The following TCF4 variants were observed in gnomAD, a reference collection of about 807,000 sequenced individuals.
TCF4 encodes the protein SL3-3 enhancer factor 2.
TCF4 carries 3 observed loss-of-function variants against 82.1 expected under a neutral mutation model. That is an observed-to-expected ratio of 0.04 (90% CI 0.02 to 0.09). The LOEUF is 0.09. Ranked by LOEUF, TCF4 falls within the 10% of genes least tolerant of loss-of-function variation. The pLI is 1.00. For synonymous variants in TCF4, 276 were observed against 309.6 expected (o/e 0.89, Z 1.14); for missense variants, 518 against 852.7 (o/e 0.61, Z 4.89).
At chr18:55,628,263 A>C (rs2097728489) in intron 2 of TCF4, among the ~76,000 whole-genome samples, 1 of 152,292 alleles carries the variant, frequency 6.6e-6, no homozygotes, top group African/African-American at 2.4e-5. Context: ...AGGAAGGCTG[A>C]ACTCTCATGT....
chr18:55,238,921 A>C (rs71368998), intron 15 of TCF4, among the ~76,000 whole-genome samples: 1 of 152,174 alleles, frequency 6.6e-6, no homozygotes, highest in African/African-American at 2.4e-5. Flanking sequence ...GGGCCACCTT[A>C]ATGACAGGCA....
chr18:55,228,149 T>C, intron 19 of TCF4, 72 bp downstream of exon 19: 2 of 1,592,586 alleles, frequency 1.3e-6, no homozygotes, highest in Non-Finnish European at 1.7e-6. Flanking sequence ...TGGGTGAAAT[T>C]CACTTTTATG....
At chr18:55,598,708 T>C (rs983549783) in intron 2 of TCF4, among the ~76,000 whole-genome samples, 1 of 152,190 alleles carries the variant, frequency 6.6e-6, no homozygotes, top group African/African-American at 2.4e-5. Context: ...GTGTATAGAT[T>C]AGCAGAAAAG....
intron 6 of TCF4, among the ~76,000 whole-genome samples, chr18:55,352,418 A>G (rs2082503781): frequency 6.6e-6 from 1 of 152,140 alleles, no homozygotes; most frequent in South Asian, 2.1e-4. Flanking sequence ...TATATAAAGG[A>G]CTAATCAGCT....
intron 6 of TCF4, among the ~76,000 whole-genome samples, chr18:55,355,417 G>A (rs1011344126): frequency 2.7e-4 from 41 of 152,206 alleles, no homozygotes; most frequent in African/African-American, 8.7e-4. Flanking sequence ...AATCCCTGTC[G>A]AATAGTTGCT....
chr18:55,585,633 C>T (rs1476955260), intron 2 of TCF4: 1 of 579,414 alleles, frequency 1.7e-6, no homozygotes, highest in Non-Finnish European at 2.6e-6. Context: ...ATAATGTTAT[C>T]AAGATTCAGG....
intron 3 of TCF4, among the ~76,000 whole-genome samples, chr18:55,548,613 G>A (rs1197978753): frequency 6.6e-6 from 1 of 152,100 alleles, no homozygotes; most frequent in East Asian, 1.9e-4. Flanking sequence ...TTTCGTCATT[G>A]TGAGAACATT....
intron 8 of TCF4, among the ~76,000 whole-genome samples, chr18:55,313,831 T>C (rs977007147): frequency 2.6e-5 from 4 of 152,134 alleles, no homozygotes; most frequent in Non-Finnish European, 5.9e-5. Context: ...TTTTTCAAAA[T>C]GTTTTCAAGG....
chr18:55,629,696 G>A (rs12457157), intron 2 of TCF4, among the ~76,000 whole-genome samples: 64,005 of 152,052 alleles, frequency 0.42, 16,039 homozygotes, highest in Admixed American at 0.61. Context: ...AAACTACAAA[G>A]CTGTTCTTCG....
intron 8 of TCF4, among the ~76,000 whole-genome samples, chr18:55,319,561 T>G (rs1055084146): frequency 2.6e-5 from 4 of 152,126 alleles, no homozygotes; most frequent in Non-Finnish European, 2.9e-5. Flanking sequence ...CTCTTTCTAG[T>G]GTTTGAATCA....
chr18:55,586,992 TTTTTG>T, intron 2 of TCF4, 48 bp downstream of exon 2: 4 of 1,528,544 alleles, frequency 2.6e-6, no homozygotes, highest in Non-Finnish European at 2.7e-6. Context: ...AGTGTTTGGG[TTTTTG>T]TTTTGTTTTT....
chr18:55,508,584 T>A lies in TCF4; in HGVS notation c.146-44447A>T, dbSNP rs908866143. 4.6e-5 allele frequency among the ~76,000 whole-genome samples: 7 copies of A among 152,200 alleles called. No individual in the cohort carries two copies. In the South Asian group the frequency reaches 1.5e-3, roughly 32 times the overall value. ...TAGCCCAATGAAGCAGGGACTTGTA[T>A]TATCCTCATTTTACAGAGAAATTAA... is the stretch of plus-strand genomic sequence containing the variant. On this transcript the variant is annotated intron_variant, in intron 3 of 19. Coordinates refer to ENST00000354452, the MANE Select transcript of TCF4 (RefSeq NM_001083962.2).
At chr18:55,541,790 C>G (rs745737275) in intron 3 of TCF4, among the ~76,000 whole-genome samples, 3 of 151,928 alleles carry the variant, frequency 2.0e-5, no homozygotes, top group Admixed American at 1.3e-4. Flanking sequence ...CTCATCCCTT[C>G]TGTACTTATT....
chr18:55,258,435 C>T (rs1197588361), intron 13 of TCF4, among the ~76,000 whole-genome samples: 1 of 152,098 alleles, frequency 6.6e-6, no homozygotes, highest in Non-Finnish European at 1.5e-5. Context: ...GTGATGTTTT[C>T]TAGAATGACT....
chr18:55,338,734 T>C (rs1435814488), intron 8 of TCF4, among the ~76,000 whole-genome samples: 9 of 152,188 alleles, frequency 5.9e-5, no homozygotes, highest in Admixed American at 5.2e-4. Context: ...ATTTGCTAAA[T>C]GTACGGAATC....
chr18:55,570,232 G>C lies in TCF4; in HGVS notation c.145+15048C>G, dbSNP rs115263307. Among the ~76,000 whole-genome samples, 248 of 152,226 alleles carry C rather than the reference G, an allele frequency of 1.6e-3. 1 individual carries two copies. The highest frequency in any genetic ancestry group is 5.7e-3 in the African/African-American group (236 of 41,540). On this transcript the variant is annotated intron_variant, in intron 3 of 19. Transcript: ENST00000354452. ...CTGCATGGAAAACTTAAATGTGATAGGCAAAATTATCAAATCCTTTTCAGA... is the reference window on the plus strand; with the variant it reads ...CTGCATGGAAAACTTAAATGTGATACGCAAAATTATCAAATCCTTTTCAGA...
chr18:55,381,047 T>G (rs1216071702), intron 6 of TCF4, among the ~76,000 whole-genome samples: 2 of 152,198 alleles, frequency 1.3e-5, no homozygotes, highest in African/African-American at 4.8e-5. Flanking sequence ...TATATCTCGA[T>G]TTTTTTAAAT....
At chr18:55,419,499 T>C (rs577964491) in intron 5 of TCF4, among the ~76,000 whole-genome samples, 8 of 152,348 alleles carry the variant, frequency 5.3e-5, no homozygotes, top group African/African-American at 1.9e-4. Context: ...CATTTTAATG[T>C]ATGGATTCAG....
intron 3 of TCF4, among the ~76,000 whole-genome samples, chr18:55,580,363 A>G (rs1288187690): frequency 6.6e-6 from 1 of 152,002 alleles, no homozygotes; most frequent in Non-Finnish European, 1.5e-5. Flanking sequence ...ATTTTTTTAC[A>G]TATTAATACA....
Sources: gnomAD v4.1 joint callset for allele counts (sites outside exome capture counted in the v4.1 genomes callset) on GRCh38, gnomAD v4.1.1 for gene constraint, MANE v1.5 for transcripts, NCBI Gene and HGNC (gene_info 2026-07-23, HGNC 2026-07-21) for gene names.